The following KCND1 variants were observed in gnomAD, a reference collection of about 807,000 sequenced individuals.
The protein encoded by KCND1 is A-type voltage-gated potassium channel KCND1.
In KCND1, 11 loss-of-function variants were observed where a neutral mutation model predicts 31.8. That is an observed-to-expected ratio of 0.35 (90% CI 0.22 to 0.57). The LOEUF (loss-of-function observed/expected upper bound fraction) is 0.57, where lower values mean the gene tolerates loss of function less well. Ranked by LOEUF, KCND1 falls within the 20% of genes least tolerant of loss-of-function variation. KCND1 has a pLI of 0.85. For synonymous variants in KCND1, 234 were observed against 248.1 expected, an observed-to-expected ratio of 0.94 and a Z score of 0.53; for missense variants, 471 against 596.8, an observed-to-expected ratio of 0.79 and a Z score of 2.20.
chrX:48,962,785 C>T lies in KCND1; in HGVS notation c.1740G>A (p.Lys580=). 1 of 1,210,617 alleles carries T rather than the reference C, an allele frequency of 8.3e-7. No individual in the cohort carries two copies. Among genetic ancestry groups the T allele is most frequent in the Non-Finnish European group, 1.1e-6 (1 of 894,840 alleles). ...APQSRSSLNA[K]PHDSLDLNCD... ...AGTTCAGGTCAAGGCTGTCATGGGG[C>T]TTGGCATTGAGGCTGGAACGGCTGT... Residue 580 remains lysine, a synonymous_variant, in exon 6 of 6, where the codon AAG becomes AAA. Transcript: ENST00000218176.
Position 48,966,841 on chromosome X carries a change from C to A in KCND1, c.1288G>T (p.Val430Leu). 8.3e-7 allele frequency: 1 copy of A among 1,204,491 alleles called. No individual in the cohort carries two copies. Among genetic ancestry groups the A allele is most frequent in the African/African-American group, 1.7e-5 (1 of 57,233 alleles). ...RADKRRAQQK[V>L]RLARIRLAKS... ...GCCAATCGGATCCTTGCCAAGCGCACCTTCTGCAGAGAGAGGAGATAAAAG... is the reference window on the plus strand; with the variant it reads ...GCCAATCGGATCCTTGCCAAGCGCAACTTCTGCAGAGAGAGGAGATAAAAG... Residue 430 changes from valine (V) to leucine (L), a missense_variant, in exon 3 of 6, where the codon GTG becomes TTG. Physicochemically the swap from Val to Leu is conservative, Grantham distance 32. This residue lies in a region of KCND1 where 74 missense variants were observed against 154.2 expected (regional missense o/e 0.48). Coordinates refer to ENST00000218176, the MANE Select transcript of KCND1 (RefSeq NM_004979.6).
intron 1 of KCND1, chrX:48,967,531 A>G (rs2064361037): frequency 7.9e-6 from 1 of 127,128 alleles, no homozygotes; most frequent in South Asian, 2.8e-4. Flanking sequence ...TCATTCCCCT[A>G]TAGGGGAATC....
intron 1 of KCND1, chrX:48,967,381 G>A (rs1557058213): frequency 1.6e-5 from 5 of 322,242 alleles, no homozygotes; most frequent in Admixed American, 5.0e-5. Flanking sequence ...GGGAGCATGA[G>A]GAAGTCACAG....
Position 48,970,544 on chromosome X carries a change from G to A in KCND1, c.-273C>T. The A allele has an allele frequency of 2.9e-6, 1 of 339,967 alleles. No homozygotes were observed. Among genetic ancestry groups the A allele is most frequent in the Admixed American group, 5.6e-5 (1 of 17,995 alleles). 28.0% of individuals were successfully genotyped at this position (339,967 alleles called of 1,213,427 possible). ...GGAGAAGAGCAGAAAAGGGGTGTGG[G>A]GATGGGGCCAAGAAGGAGCTGAGGG... On this transcript the variant is annotated 5_prime_UTR_variant, in exon 1 of 6. Coordinates refer to ENST00000218176, the MANE Select transcript of KCND1 (RefSeq NM_004979.6).
In KCND1 at chrX:48,970,405, AAGAG is replaced by A; in HGVS notation, c.-138_-135del. 3.7e-6 allele frequency: 2 copies of A among 543,077 alleles called. No homozygotes were observed. The highest frequency in any genetic ancestry group is 5.8e-6 in the Non-Finnish European group (2 of 347,110). The allele number at this position is 543,077 out of a possible 1,213,427, so 44.8% of individuals were successfully genotyped here. On this transcript the variant is annotated 5_prime_UTR_variant, in exon 1 of 6. An upstream open reading frame in the 5' UTR loses its in-frame stop. Coordinates refer to ENST00000218176, the MANE Select transcript of KCND1 (RefSeq NM_004979.6). ...GAAACTGGGGGTGTCTAGAGAGGCC[AAGAG>A]GAACCAGGAGGAAGAACTAAAGAGA...
In KCND1 at chrX:48,970,582, G is replaced by A. The variant is rs2064382690; in HGVS notation, c.-311C>T. On this transcript the variant is annotated 5_prime_UTR_variant, in exon 1 of 6. Transcript: ENST00000218176. ...AAGGAGCTGAGGGAGGGTTTAGAGA[G>A]ACTGAGATGATTCTAAAGGAGTCAG... 2 of 250,590 alleles carry A rather than the reference G, an allele frequency of 8.0e-6. No homozygotes were observed. Among genetic ancestry groups the A allele is most frequent in the Admixed American group, 1.3e-4 (2 of 14,986 alleles). 20.7% of individuals were successfully genotyped at this position (250,590 alleles called of 1,213,427 possible).
At chrX:48,964,599 C>A (rs2064340750) in intron 5 of KCND1, among the ~76,000 whole-genome samples, 1 of 109,062 alleles carries the variant, frequency 9.2e-6, no homozygotes, top group African/African-American at 3.3e-5. Context: ...CACCTGTAAT[C>A]CCAGCCACTT....
At position 48,971,380 on chromosome X, in the gene KCND1, A is replaced by AG. The variant is rs1289029515; in HGVS notation, c.-1110dup. ...AAGGGAGTTGGGTGTGTCTCCAGGG[A>AG]GGGGGGCTCCTGGGCTTTGCAGGAA... On this transcript the variant is annotated 5_prime_UTR_variant, in exon 1 of 6. It introduces an in-frame stop codon into an upstream open reading frame of the 5' UTR. Transcript: ENST00000218176. 3 of 94,546 alleles carry AG rather than the reference A, an allele frequency of 3.2e-5. No homozygotes were observed. The Admixed American group carries it at 3.4e-4, about 11-fold the overall frequency. 7.8% of individuals were successfully genotyped at this position (94,546 alleles called of 1,213,427 possible). A position where few individuals can be genotyped will look rare whatever the true frequency, so the allele number is the denominator to read the frequency against.
In KCND1 at chrX:48,967,299, C is replaced by T. The variant is rs1379471423; in HGVS notation, c.1122-193G>A. On this transcript the variant is annotated intron_variant, in intron 1 of 5. Transcript: ENST00000218176. Reference sequence around the variant, plus strand: ...AATGGGCCTGGCCCTCAACCCCTACCATCTGCTGCCCCTGTCCAAGCTACA... The same window carrying T: ...AATGGGCCTGGCCCTCAACCCCTACTATCTGCTGCCCCTGTCCAAGCTACA... 2.4e-5 allele frequency: 10 copies of T among 423,622 alleles called. No individual in the cohort carries two copies. In the South Asian group the frequency reaches 3.6e-4, roughly 15 times the overall value. 34.9% of individuals were successfully genotyped at this position (423,622 alleles called of 1,213,427 possible). A position where few individuals can be genotyped will look rare whatever the true frequency, so the allele number is the denominator to read the frequency against.
chrX:48,966,738 A>G (rs782471347), intron 3 of KCND1, 23 bp downstream of exon 3: 4 of 1,202,041 alleles, frequency 3.3e-6, no homozygotes, highest in Non-Finnish European at 1.1e-6. Flanking sequence ...GCTCACCCCA[A>G]CCCTATCCAG....
chrX:48,966,400 T>C, intron 4 of KCND1, 95 bp from the exon 5 acceptor site: 1 of 1,077,587 alleles, frequency 9.3e-7, no homozygotes, highest in Non-Finnish European at 1.2e-6. Flanking sequence ...TTTCTGGACA[T>C]TGTTCCCTCT....
intron 5 of KCND1, among the ~76,000 whole-genome samples, chrX:48,965,694 G>A (rs2147718327): frequency 9.0e-6 from 1 of 110,794 alleles, no homozygotes; most frequent in South Asian, 3.8e-4. Flanking sequence ...TGGGTAACAT[G>A]GCAAAACCTC....
chrX:48,966,848 C>T lies in KCND1; in HGVS notation c.1285-4G>A. The T allele has an allele frequency of 5.0e-6, 6 of 1,203,473 alleles. 1 individual carries two copies. The South Asian group carries it at 8.9e-5, about 18-fold the overall frequency. On this transcript the variant is annotated splice_region_variant and splice_polypyrimidine_tract_variant and intron_variant, in intron 2 of 5. Coordinates refer to ENST00000218176, the MANE Select transcript of KCND1 (RefSeq NM_004979.6). The stretch of plus-strand genomic sequence containing the variant: ...GGATCCTTGCCAAGCGCACCTTCTG[C>T]AGAGAGAGGAGATAAAAGGTCAGGT...
intron 1 of KCND1, 150 bp from the exon 2 acceptor site, chrX:48,967,256 C>A: frequency 2.0e-6 from 1 of 491,025 alleles, no homozygotes; most frequent in Non-Finnish European, 3.4e-6. Context: ...CTGTAAAATG[C>A]TGGGTGGCCA....
chrX:48,966,169 C>A lies in KCND1; in HGVS notation c.1604G>T (p.Arg535Leu), dbSNP rs781797726. 1 of 1,210,189 alleles carries A rather than the reference C, an allele frequency of 8.3e-7. No individual in the cohort carries two copies. The highest frequency in any genetic ancestry group is 1.1e-6 in the Non-Finnish European group (1 of 895,268). The change falls in exon 5 of 6, where the codon CGC (arginine) becomes CTC (leucine). Residue 535 changes from arginine to leucine, a missense_variant. Around this residue, in one of 3 missense-constraint regions of KCND1, gnomAD observed 185 missense variants for 184.7 expected, o/e 1.00. Transcript: ENST00000218176. ...PGSLLSSCCP[R>L]RAKRRAIRLA... ...GCGGATGGCGCGGCGCTTGGCCCTG[C>A]GAGGGCAGCAAGAAGACAGCAGGCT... is the stretch of plus-strand genomic sequence containing the variant.
rs371709325 is a variant in KCND1 at position 48,970,472 on chromosome X, G to A, written c.-201C>T. The A allele has an allele frequency of 2.4e-6, 1 of 423,402 alleles. No individual in the cohort carries two copies. 34.9% of individuals were successfully genotyped at this position (423,402 alleles called of 1,213,427 possible). The stretch of plus-strand genomic sequence containing the variant: ...TGGGGGACATTTACAGAACCTAGGA[G>A]GGGCCTGGGCAATGTTCTGAGGGAC... On this transcript the variant is annotated 5_prime_UTR_variant, in exon 1 of 6. Coordinates refer to ENST00000218176, the MANE Select transcript of KCND1 (RefSeq NM_004979.6).
chrX:48,969,979 TAGA>T lies in KCND1; in HGVS notation c.290_292del (p.Phe97del). ...TGGGCAATGCAGCCGCCCCGTTCGG[TAGA>T]AGTTCAGCACATGGCGGAACATGTC... On this transcript the variant is annotated inframe_deletion, in exon 1 of 6. Coordinates refer to ENST00000218176, the MANE Select transcript of KCND1 (RefSeq NM_004979.6). 1 of 1,211,471 alleles carries T rather than the reference TAGA, an allele frequency of 8.3e-7. No homozygotes were observed. The highest frequency in any genetic ancestry group is 1.1e-6 in the Non-Finnish European group (1 of 895,205).
chrX:48,970,059 C>T lies in KCND1; in HGVS notation c.213G>A (p.Lys71=). 1 of 1,210,232 alleles carries T rather than the reference C, an allele frequency of 8.3e-7. No individual in the cohort carries two copies. The highest frequency in any genetic ancestry group is 1.8e-5 in the South Asian group (1 of 56,633). The change falls in exon 1 of 6, where the codon AAG becomes AAA. Residue 71 remains lysine, a synonymous_variant. Transcript: ENST00000218176. ...YPDTLLGSSE[K]EFFYDADSGE... is the part of the protein sequence containing the mutation. ...CTGAGTCAGCATCGTAGAAGAATTCCTTCTCCGAGCTGCCCAGCAAGGTGT... is the reference window on the plus strand; with the variant it reads ...CTGAGTCAGCATCGTAGAAGAATTCTTTCTCCGAGCTGCCCAGCAAGGTGT...
At position 48,962,758 on chromosome X, in the gene KCND1, G is replaced by A. The variant is rs868995155; in HGVS notation, c.1767C>T (p.Cys589=). ...AKPHDSLDLN[C]DSRDFVAAII... Reference sequence around the variant, plus strand: ...TGGCAGCCACGAAGTCCCGGCTGTCGCAGTTCAGGTCAAGGCTGTCATGGG... The same window carrying A: ...TGGCAGCCACGAAGTCCCGGCTGTCACAGTTCAGGTCAAGGCTGTCATGGG... The change falls in exon 6 of 6, where the codon TGC becomes TGT. Residue 589 remains cysteine (C), a synonymous_variant. Coordinates refer to ENST00000218176, the MANE Select transcript of KCND1 (RefSeq NM_004979.6). 1.2e-5 allele frequency: 15 copies of A among 1,208,516 alleles called. No homozygotes were observed. The highest frequency in any genetic ancestry group is 2.3e-4 in the Middle Eastern group (1 of 4,348).
Sources: allele counts gnomAD v4.1 joint callset (sites outside exome capture counted in the v4.1 genomes callset), GRCh38; gene constraint gnomAD v4.1.1; regional missense constraint gnomAD v4.1.1; transcripts MANE v1.5; gene names NCBI Gene and HGNC (gene_info 2026-07-23, HGNC 2026-07-21).